The following HS3ST5 variants were observed in gnomAD, a reference collection of about 807,000 sequenced individuals.
The protein encoded by HS3ST5 is heparan sulfate glucosamine 3-O-sulfotransferase 5.
In HS3ST5, 10 loss-of-function variants were observed where a neutral mutation model predicts 25.4. The ratio of observed to expected loss-of-function variants is 0.39; its 90% CI spans 0.24 to 0.67. HS3ST5 has a LOEUF of 0.67. Ranked by LOEUF, HS3ST5 falls within the 30% of genes least tolerant of loss-of-function variation. HS3ST5 has a pLI of 0.44. For synonymous variants in HS3ST5, 170 were observed against 162.4 expected, an observed-to-expected ratio of 1.05 and a Z score of -0.36; for missense variants, 324 against 420.7, an observed-to-expected ratio of 0.77 and a Z score of 2.01.
intron 1 of HS3ST5, chr6:114,230,229 G>A (rs1309921358): frequency 6.6e-6 from 1 of 150,804 alleles, no homozygotes; most frequent in Non-Finnish European, 1.5e-5. Context: ...GAATGGAATG[G>A]AAAGCCTAGC....
intron 3 of HS3ST5, among the ~76,000 whole-genome samples, chr6:114,126,643 T>C (rs1777051700): frequency 6.6e-6 from 1 of 152,212 alleles, no homozygotes; most frequent in South Asian, 2.1e-4. Flanking sequence ...CTGTTGTTTT[T>C]ATTGCTATAA....
Position 114,296,829 on chromosome 6 carries a change from A to T in HS3ST5, c.-339+45366T>A, listed in dbSNP as rs115754322. Among the ~76,000 whole-genome samples the T allele has an allele frequency of 4.9e-3, 750 of 152,288 alleles. 7 individuals carry two copies. Among genetic ancestry groups the T allele is most frequent in the African/African-American group, 0.017 (724 of 41,566 alleles). ...TAAGTAAATGGAGGTGAAGCACGAA[A>T]TCATGCATGTCTTAAAACCACAGAC... is the stretch of plus-strand genomic sequence containing the variant. On this transcript the variant is annotated intron_variant, in intron 1 of 4. Transcript: ENST00000312719.
chr6:114,172,928 A>G (rs1293916155), intron 2 of HS3ST5, among the ~76,000 whole-genome samples: 2 of 152,204 alleles, frequency 1.3e-5, no homozygotes, highest in East Asian at 3.9e-4. Flanking sequence ...AATAAAACTG[A>G]TAATTCTTTT....
At chr6:114,247,053 C>T (rs1047056239) in intron 1 of HS3ST5, among the ~76,000 whole-genome samples, 1 of 152,204 alleles carries the variant, frequency 6.6e-6, no homozygotes, top group Non-Finnish European at 1.5e-5. Context: ...AAGTTCCCAA[C>T]CCAAATGAAG....
At chr6:114,221,885 G>A (rs1782058473) in intron 2 of HS3ST5, among the ~76,000 whole-genome samples, 2 of 151,658 alleles carry the variant, frequency 1.3e-5, no homozygotes, top group South Asian at 2.1e-4. Context: ...GTAAACTATC[G>A]GGAAAAAGAA....
At chr6:114,135,018 C>T (rs540833772) in intron 3 of HS3ST5, among the ~76,000 whole-genome samples, 5 of 152,282 alleles carry the variant, frequency 3.3e-5, no homozygotes, top group African/African-American at 1.2e-4. Flanking sequence ...CATGGGTGAA[C>T]TTGGTGACGC....
intron 2 of HS3ST5, among the ~76,000 whole-genome samples, chr6:114,206,993 G>T (rs1434279905): frequency 6.6e-6 from 1 of 152,138 alleles, no homozygotes; most frequent in Non-Finnish European, 1.5e-5. Context: ...AAATTTTCAT[G>T]TATTAAGGCT....
chr6:114,297,474 G>A (rs1774876514), intron 1 of HS3ST5, among the ~76,000 whole-genome samples: 1 of 152,140 alleles, frequency 6.6e-6, no homozygotes, highest in East Asian at 1.9e-4. Context: ...AGGAGCAAAG[G>A]GAAAGCAGGC....
chr6:114,088,018 A>G (rs1368045576), intron 3 of HS3ST5, among the ~76,000 whole-genome samples: 1 of 152,228 alleles, frequency 6.6e-6, no homozygotes, highest in East Asian at 1.9e-4. Flanking sequence ...CTGGATTTCA[A>G]AGACATAGTA....
At chr6:114,301,569 A>G (rs561094013) in intron 1 of HS3ST5, among the ~76,000 whole-genome samples, 1 of 151,816 alleles carries the variant, frequency 6.6e-6, no homozygotes, top group South Asian at 2.1e-4. Context: ...AAGCCATAAT[A>G]TTCTCCCTAT....
chr6:114,057,867 G>A lies in HS3ST5; in HGVS notation c.431C>T (p.Pro144Leu). ...TGTGATTTGCTGAGGGTAGGAAAAA[G>A]GCATCTTTTTCCTATACCACTCAAT... Reference protein sequence around the residue: ...KGIEWYRKKMPFSYPQQITIE... With the variant: ...KGIEWYRKKMLFSYPQQITIE... Residue 144 changes from proline to leucine, a missense_variant, in exon 5 of 5, where the codon CCT becomes CTT. Pro to Leu is a moderately conservative substitution (Grantham distance 98). Coordinates refer to ENST00000312719, the MANE Select transcript of HS3ST5 (RefSeq NM_153612.4). 6.2e-7 allele frequency: 1 copy of A among 1,613,978 alleles called. No individual in the cohort carries two copies. The highest frequency in any genetic ancestry group is 8.5e-7 in the Non-Finnish European group (1 of 1,179,994).
intron 3 of HS3ST5, among the ~76,000 whole-genome samples, chr6:114,091,463 G>C (rs1775111741): frequency 6.6e-6 from 1 of 151,958 alleles, no homozygotes; most frequent in Non-Finnish European, 1.5e-5. Context: ...AGATCACCAG[G>C]TCAGGAGAGC....
At chr6:114,228,246 C>G (rs1406789059) in intron 2 of HS3ST5, among the ~76,000 whole-genome samples, 1 of 152,222 alleles carries the variant, frequency 6.6e-6, no homozygotes, top group African/African-American at 2.4e-5. Flanking sequence ...CAGGGATTAG[C>G]ATTTTAAGGA....
intron 3 of HS3ST5, among the ~76,000 whole-genome samples, chr6:114,155,189 T>G (rs560699445): frequency 6.6e-6 from 1 of 152,362 alleles, no homozygotes; most frequent in South Asian, 2.1e-4. Flanking sequence ...TATTGTATTT[T>G]ATTATGATAC....
At chr6:114,211,059 T>G (rs1003170999) in intron 2 of HS3ST5, among the ~76,000 whole-genome samples, 3 of 152,206 alleles carry the variant, frequency 2.0e-5, no homozygotes. Context: ...AATGTACTAT[T>G]TTAGGCATGG....
intron 2 of HS3ST5, among the ~76,000 whole-genome samples, chr6:114,218,838 C>A (rs1007882183): frequency 1.3e-5 from 2 of 151,978 alleles, no homozygotes; most frequent in African/African-American, 4.8e-5. Flanking sequence ...GCTTAAACTT[C>A]TGCACACACT....
intron 1 of HS3ST5, among the ~76,000 whole-genome samples, chr6:114,256,815 C>T (rs1248790541): frequency 1.3e-5 from 2 of 152,186 alleles, no homozygotes; most frequent in African/African-American, 2.4e-5. Context: ...ACAGTAGTGT[C>T]CCACTCTACC....
At chr6:114,078,382 T>C (rs112066184) in intron 3 of HS3ST5, among the ~76,000 whole-genome samples, 2,730 of 151,488 alleles carry the variant, frequency 0.018, 40 homozygotes, top group Non-Finnish European at 0.027. Context: ...AATTTTGGTA[T>C]TTTTTTTAGT....
intron 1 of HS3ST5, among the ~76,000 whole-genome samples, chr6:114,338,298 AC>A (rs1041415109): frequency 5.9e-5 from 9 of 151,782 alleles, no homozygotes; most frequent in Non-Finnish European, 1.0e-4. Flanking sequence ...ATGTATATAT[AC>A]ATACACATTG....
Sources: gnomAD v4.1 joint callset for allele counts (sites outside exome capture counted in the v4.1 genomes callset) on GRCh38, gnomAD v4.1.1 for gene constraint, MANE v1.5 for transcripts, NCBI Gene and HGNC (gene_info 2026-07-23, HGNC 2026-07-21) for gene names.